Variants in CTIF observed in about 807,000 individuals in gnomAD.
CTIF encodes the protein CBP80/20-dependent translation initiation factor.
A neutral mutation model predicts 66.0 loss-of-function variants in CTIF; 21 were observed. The ratio of observed to expected loss-of-function variants is 0.32; its 90% CI spans 0.23 to 0.46. CTIF has a LOEUF of 0.46. Among genes scored for constraint, CTIF ranks in the 20% least tolerant of loss-of-function variants. The pLI is 1.00. For missense variants in CTIF, 739 were observed against 812.7 expected, an observed-to-expected ratio of 0.91 and a Z score of 1.10; for synonymous variants, 345 against 326.4, an observed-to-expected ratio of 1.06 and a Z score of -0.62.
chr18:48,750,083 C>T (rs533671544), intron 7 of CTIF, among the ~76,000 whole-genome samples: 3 of 152,228 alleles, frequency 2.0e-5, no homozygotes. Context: ...AATAATACCT[C>T]GTATTCATAA....
chr18:48,676,737 T>C (rs555082503), intron 6 of CTIF, among the ~76,000 whole-genome samples: 8 of 151,968 alleles, frequency 5.3e-5, no homozygotes, highest in African/African-American at 1.9e-4. Context: ...AAGTCCAGCC[T>C]TCACACGGGA....
rs533791631 is a variant in CTIF at position 48,686,454 on chromosome 18, A to G, written c.507+15710A>G. On this transcript the variant is annotated intron_variant, in intron 6 of 11. Coordinates refer to ENST00000256413, the MANE Select transcript of CTIF (RefSeq NM_014772.3). Reference sequence around the variant, plus strand: ...CAGCCCTGGAATCTAGTGTTATCTAAGGAGCCCTGGTACCTTTTAATGAAT... The same window carrying G: ...CAGCCCTGGAATCTAGTGTTATCTAGGGAGCCCTGGTACCTTTTAATGAAT... Among the ~76,000 whole-genome samples, 10 of 152,290 alleles carry G rather than the reference A, an allele frequency of 6.6e-5. No individual in the cohort carries two copies. In the South Asian group the frequency reaches 2.1e-3, roughly 32 times the overall value.
chr18:48,611,263 T>G (rs751158124), intron 1 of CTIF, among the ~76,000 whole-genome samples: 4 of 152,234 alleles, frequency 2.6e-5, no homozygotes, highest in Non-Finnish European at 5.9e-5. Flanking sequence ...CCATGCTGGG[T>G]GTTGCAGGAC....
chr18:48,829,875 A>C (rs1599123300), intron 10 of CTIF, among the ~76,000 whole-genome samples: 1 of 152,340 alleles, frequency 6.6e-6, no homozygotes, highest in East Asian at 1.9e-4. Flanking sequence ...TTGCCTTCAG[A>C]TGTGAATGAT....
chr18:48,636,909 A>G (rs549449999), intron 3 of CTIF, among the ~76,000 whole-genome samples: 1 of 152,280 alleles, frequency 6.6e-6, no homozygotes, highest in East Asian at 1.9e-4. Flanking sequence ...TCTTTTTAGT[A>G]GCTGCGTTCT....
chr18:48,655,315 A>AG (rs1568108514), intron 3 of CTIF, among the ~76,000 whole-genome samples: 2 of 141,786 alleles, frequency 1.4e-5, no homozygotes, highest in Non-Finnish European at 3.1e-5. Flanking sequence ...AAAAAAAAAA[A>AG]AAAAAGAAGA....
At chr18:48,780,557 G>A (rs866744207) in intron 9 of CTIF, among the ~76,000 whole-genome samples, 23 of 152,294 alleles carry the variant, frequency 1.5e-4, no homozygotes, top group East Asian at 1.4e-3. Context: ...CCTCTGCCGC[G>A]TCGGTTCATG....
chr18:48,785,754 C>T (rs904513592), intron 9 of CTIF, among the ~76,000 whole-genome samples: 1 of 152,194 alleles, frequency 6.6e-6, no homozygotes, highest in Non-Finnish European at 1.5e-5. Flanking sequence ...TACCAAATTT[C>T]TATGGGGTAC....
rs1013605951 is a variant in CTIF at position 48,854,597 on chromosome 18, C to T, written c.1528-2991C>T. Among the ~76,000 whole-genome samples the T allele has an allele frequency of 2.6e-5, 4 of 152,226 alleles. No individual in the cohort carries two copies. The East Asian group carries it at 7.7e-4, about 29-fold the overall frequency. The stretch of plus-strand genomic sequence containing the variant: ...CCAGGTCCCTCAATGTCCACCCTTC[C>T]CTCCTACAGCAGGCAGAATGGTCCC... On this transcript the variant is annotated intron_variant, in intron 10 of 11. Coordinates refer to ENST00000256413, the MANE Select transcript of CTIF (RefSeq NM_014772.3).
intron 7 of CTIF, among the ~76,000 whole-genome samples, chr18:48,733,395 T>C (rs555781503): frequency 6.6e-6 from 1 of 152,000 alleles, no homozygotes; most frequent in South Asian, 2.1e-4. Context: ...GCAGCCTGAG[T>C]GTTGAATAGG....
intron 3 of CTIF, among the ~76,000 whole-genome samples, chr18:48,647,272 G>A (rs1000571242): frequency 6.6e-6 from 1 of 152,176 alleles, no homozygotes; most frequent in African/African-American, 2.4e-5. Flanking sequence ...CGGGGAAGAG[G>A]TTTGTGGTTG....
At chr18:48,771,492 G>C (rs1423131762) in intron 9 of CTIF, among the ~76,000 whole-genome samples, 1 of 152,164 alleles carries the variant, frequency 6.6e-6, no homozygotes, top group Non-Finnish European at 1.5e-5. Flanking sequence ...CCCAGGTCAG[G>C]AATTATTTCA....
intron 1 of CTIF, among the ~76,000 whole-genome samples, chr18:48,601,562 G>A (rs1296281640): frequency 6.6e-6 from 1 of 152,180 alleles, no homozygotes. Context: ...GACAGCCTGG[G>A]GACCAGCCTG....
At chr18:48,685,015 T>C (rs1360053398) in intron 6 of CTIF, among the ~76,000 whole-genome samples, 1 of 148,942 alleles carries the variant, frequency 6.7e-6, no homozygotes, top group Non-Finnish European at 1.5e-5. Flanking sequence ...AGTTTTTGTT[T>C]TTTTGTTTGT....
At chr18:48,576,401 C>T (rs1397027648) in intron 1 of CTIF, among the ~76,000 whole-genome samples, 1 of 152,170 alleles carries the variant, frequency 6.6e-6, no homozygotes. Context: ...CAGTGAAGTC[C>T]CTTCTTGAGA....
Position 48,632,212 on chromosome 18 carries a change from C to A in CTIF, c.181-4402C>A, listed in dbSNP as rs189781824. Among the ~76,000 whole-genome samples the A allele has an allele frequency of 5.7e-3, 871 of 152,282 alleles. 10 individuals carry two copies. Among genetic ancestry groups the A allele is most frequent in the African/African-American group, 0.02 (826 of 41,564 alleles). On this transcript the variant is annotated intron_variant, in intron 2 of 11. Transcript: ENST00000256413. ...TCAGGCAGTAGCCCTGGACAGGTTG[C>A]CTCTGGGGCTACTGCTGGGCTGGGG... is the stretch of plus-strand genomic sequence containing the variant.
chr18:48,707,484 G>A (rs944504164), intron 6 of CTIF, among the ~76,000 whole-genome samples: 2 of 152,068 alleles, frequency 1.3e-5, no homozygotes, highest in African/African-American at 4.8e-5. Context: ...AGATTAACTG[G>A]TGGGGGGCAC....
In CTIF at chr18:48,647,077, G is replaced by A. The variant is rs1457653203; in HGVS notation, c.252+10392G>A. Among the ~76,000 whole-genome samples, 5 of 152,182 alleles carry A rather than the reference G, an allele frequency of 3.3e-5. No individual in the cohort carries two copies. In the East Asian group the frequency reaches 9.6e-4, roughly 29 times the overall value. ...TACACAGAAACCTGGAAGCAGCTCA[G>A]GTGATCTTCAGCAGATGAATGGTTA... is the stretch of plus-strand genomic sequence containing the variant. On this transcript the variant is annotated intron_variant, in intron 3 of 11. Coordinates refer to ENST00000256413, the MANE Select transcript of CTIF (RefSeq NM_014772.3).
At chr18:48,659,616 C>T (rs1417279697) in intron 3 of CTIF, among the ~76,000 whole-genome samples, 1 of 152,168 alleles carries the variant, frequency 6.6e-6, no homozygotes, top group South Asian at 2.1e-4. Flanking sequence ...GCAGTCATCA[C>T]GGGGGAGGGA....
Sources: allele counts gnomAD v4.1 joint callset (sites outside exome capture counted in the v4.1 genomes callset), GRCh38; gene constraint gnomAD v4.1.1; transcripts MANE v1.5; gene names NCBI Gene and HGNC (gene_info 2026-07-23, HGNC 2026-07-21).